The following SMIM24 variants were observed in gnomAD, a reference collection of about 807,000 sequenced individuals.
SMIM24 encodes MAP17-related dimer.
Under a neutral mutation model 10.8 loss-of-function variants are expected in SMIM24, and 6 were observed. That is an observed-to-expected ratio of 0.55 (90% confidence interval 0.30 to 1.09). The LOEUF is 1.09. SMIM24 is among the 50% of genes least tolerant of loss of function. The pLI is 0.06. For synonymous variants in SMIM24, 71 were observed against 62.4 expected, an observed-to-expected ratio of 1.14 and a Z score of -0.65; for missense variants, 151 against 153.4, an observed-to-expected ratio of 0.98 and a Z score of 0.08.
chr19:3,478,988 C>G (rs2082805269), intron 1 of SMIM24, 59 bp from the exon 2 acceptor site: 1 of 1,344,118 alleles, frequency 7.4e-7, no homozygotes, highest in Non-Finnish European at 1.0e-6. Flanking sequence ...ACCCCCTTCC[C>G]CCACCACCCT....
At chr19:3,478,308 A>G in intron 3 of SMIM24, 111 bp downstream of exon 3, 1 of 1,020,578 alleles carries the variant, frequency 9.8e-7, no homozygotes, top group South Asian at 1.6e-5. Flanking sequence ...TGAAGATCCC[A>G]GGGCAGGAAT....
rs570837658 is a variant in SMIM24, at chr19:3,479,029, G to C, written c.68-100C>G. On this transcript the variant is annotated intron_variant, in intron 1 of 3. Coordinates refer to ENST00000215531, the MANE Select transcript of SMIM24 (RefSeq NM_001136503.2). Reference sequence around the variant, plus strand: ...GGAGAGAGAGAAGGTCACTGGGGGTGCTCCGACAGAGGGGGTATTGGAAAG... The same window carrying C: ...GGAGAGAGAGAAGGTCACTGGGGGTCCTCCGACAGAGGGGGTATTGGAAAG... The C allele has an allele frequency of 1.2e-5, 11 of 921,280 alleles. No individual in the cohort carries two copies. In the African/African-American group the frequency reaches 1.5e-4, roughly 13 times the overall value. 57.1% of individuals were successfully genotyped at this position (921,280 alleles called of 1,614,324 possible).
At chr19:3,480,049 A>G (rs2082811573) in intron 1 of SMIM24, among the ~76,000 whole-genome samples, 1 of 151,114 alleles carries the variant, frequency 6.6e-6, no homozygotes, top group Admixed American at 6.6e-5. Flanking sequence ...GAGGAGTGAG[A>G]AGGAGCGGTT....
At chr19:3,475,252 A>C (rs1223467128) in intron 3 of SMIM24, among the ~76,000 whole-genome samples, 2 of 150,794 alleles carry the variant, frequency 1.3e-5, no homozygotes, top group African/African-American at 4.9e-5. Context: ...GCCTCTTGGG[A>C]CTCAGTTTAC....
At chr19:3,479,066 C>G in intron 1 of SMIM24, 137 bp from the exon 2 acceptor site, 1 of 650,634 alleles carries the variant, frequency 1.5e-6, no homozygotes, top group Admixed American at 2.8e-5. Flanking sequence ...GACGGAGCTT[C>G]AGAGACCTGG....
At chr19:3,477,121 T>TGGAC (rs1186781375) in intron 3 of SMIM24, among the ~76,000 whole-genome samples, 1,369 of 130,198 alleles carry the variant, frequency 0.011, 38 homozygotes, top group African/African-American at 0.038. Flanking sequence ...GATGGATGGA[T>TGGAC]GGATCATGGA....
At chr19:3,477,284 A>T (rs2082796994) in intron 3 of SMIM24, among the ~76,000 whole-genome samples, 1 of 111,746 alleles carries the variant, frequency 8.9e-6, no homozygotes, top group Non-Finnish European at 1.8e-5. Flanking sequence ...GGATGGATGG[A>T]TGGATGGATG....
intron 1 of SMIM24, 42 bp downstream of exon 1, chr19:3,480,355 T>TCC: frequency 1.0e-5 from 15 of 1,432,534 alleles, no homozygotes; most frequent in East Asian, 2.6e-5. Flanking sequence ...CCTGACCAAC[T>TCC]CCCCTATCCC....
chr19:3,478,580 C>T (rs1032889937), intron 2 of SMIM24, 102 bp from the exon 3 acceptor site: 2 of 1,158,006 alleles, frequency 1.7e-6, no homozygotes, highest in African/African-American at 1.6e-5. Flanking sequence ...CCCAACCTCC[C>T]AGCCGGGGCT....
intron 1 of SMIM24, chr19:3,479,140 C>G: frequency 2.5e-6 from 1 of 406,996 alleles, no homozygotes; most frequent in Admixed American, 4.5e-5. Flanking sequence ...TGGGAGGGAG[C>G]CTGGGGGCCC....
At chr19:3,476,888 ATGGG>A (rs1490473439) in intron 3 of SMIM24, among the ~76,000 whole-genome samples, 3 of 55,824 alleles carry the variant, frequency 5.4e-5, no homozygotes, top group Non-Finnish European at 1.1e-4. Flanking sequence ...GGATGGGTGG[ATGGG>A]TGGGTGGGTG....
At chr19:3,479,108 G>T (rs1281550365) in intron 1 of SMIM24, 179 bp from the exon 2 acceptor site, 2 of 526,774 alleles carry the variant, frequency 3.8e-6, no homozygotes, top group Non-Finnish European at 6.7e-6. Context: ...GGTTTAGAGA[G>T]GGGGAGGGTA....
rs955703997 is a variant in SMIM24 at position 3,480,474 on chromosome 19, T to G, written c.-11A>C. ...CCCCAGGGTCTCCATGACGGTCGAG[T>G]GAGCCAGCAGCCAGCCAGCGGCGGT... On this transcript the variant is annotated 5_prime_UTR_variant, in exon 1 of 4. Coordinates refer to ENST00000215531, the MANE Select transcript of SMIM24 (RefSeq NM_001136503.2). The G allele has an allele frequency of 6.5e-7, 1 of 1,547,682 alleles. No homozygotes were observed. Among genetic ancestry groups the G allele is most frequent in the Admixed American group, 2.0e-5 (1 of 50,840 alleles).
At chr19:3,477,826 G>A (rs1004998373) in intron 3 of SMIM24, among the ~76,000 whole-genome samples, 2 of 150,098 alleles carry the variant, frequency 1.3e-5, no homozygotes, top group Admixed American at 1.3e-4. Flanking sequence ...TGGGTGAGTG[G>A]GTGAATGGGT....
At chr19:3,479,025 G>C (rs920828998) in intron 1 of SMIM24, 96 bp from the exon 2 acceptor site, 1 of 977,934 alleles carries the variant, frequency 1.0e-6, no homozygotes, top group Non-Finnish European at 1.5e-6. Context: ...AGGTCACTGG[G>C]GGTGCTCCGA....
At chr19:3,475,473 G>A (rs1484992146) in intron 3 of SMIM24, among the ~76,000 whole-genome samples, 1 of 150,718 alleles carries the variant, frequency 6.6e-6, no homozygotes, top group Non-Finnish European at 1.5e-5. Flanking sequence ...GATGGATGGG[G>A]GTATGGATGA....
intron 3 of SMIM24, among the ~76,000 whole-genome samples, chr19:3,475,210 G>C (rs955633906): frequency 1.1e-4 from 17 of 152,178 alleles, no homozygotes; most frequent in African/African-American, 4.1e-4. Flanking sequence ...TGGGTGGATG[G>C]ATGGATGGAC....
In SMIM24 at chr19:3,474,766, T is replaced by G. The variant is rs2082785771; in HGVS notation, c.*77A>C. On this transcript the variant is annotated 3_prime_UTR_variant, in exon 4 of 4. Coordinates refer to ENST00000215531, the MANE Select transcript of SMIM24 (RefSeq NM_001136503.2). ...CCCAGATGGAGTCATTTCACGGGCT[T>G]CAAGTCCAGGGCACTGCTTTTAGGG... The G allele has an allele frequency of 2.7e-6, 4 of 1,485,888 alleles. No homozygotes were observed. In the Admixed American group the frequency reaches 7.4e-5, roughly 27 times the overall value. 92.0% of individuals were successfully genotyped at this position (1,485,888 alleles called of 1,614,324 possible). A position where few individuals can be genotyped will look rare whatever the true frequency, so the allele number is the denominator to read the frequency against.
intron 1 of SMIM24, among the ~76,000 whole-genome samples, chr19:3,479,972 GA>G (rs1332626454): frequency 6.8e-6 from 1 of 146,708 alleles, no homozygotes; most frequent in Non-Finnish European, 1.5e-5. Flanking sequence ...GGCTTATAAA[GA>G]AGGAGGAGCC....
Sources: gnomAD v4.1 joint callset for allele counts (sites outside exome capture counted in the v4.1 genomes callset) on GRCh38, gnomAD v4.1.1 for gene constraint, MANE v1.5 for transcripts, NCBI Gene and HGNC (gene_info 2026-07-23, HGNC 2026-07-21) for gene names.